The following RASA2 variants were observed in gnomAD, a reference collection of about 807,000 sequenced individuals.
The protein encoded by RASA2 is ras GTPase-activating protein 2.
In RASA2, 155 loss-of-function variants were observed where a neutral mutation model predicts 118.2. The ratio of observed to expected loss-of-function variants is 1.31; its 90% CI spans 1.15 to 1.50. RASA2 has a LOEUF of 1.50. Among genes scored for constraint, RASA2 ranks in the 40% most tolerant of loss-of-function variants. The pLI is 0.00. For synonymous variants in RASA2, 353 were observed against 349.1 expected (o/e 1.01, Z -0.12); for missense variants, 1,016 against 1,009.6 (o/e 1.01, Z -0.09).
At chr3:141,600,027 C>G (rs192402415) in intron 19 of RASA2, among the ~76,000 whole-genome samples, 3 of 152,092 alleles carry the variant, frequency 2.0e-5, no homozygotes, top group Non-Finnish European at 4.4e-5. Flanking sequence ...AAGTTACTTA[C>G]GTTTATATGA....
At chr3:141,544,042 ATT>A (rs1202148168) in intron 5 of RASA2, among the ~76,000 whole-genome samples, 1 of 151,396 alleles carries the variant, frequency 6.6e-6, no homozygotes, top group African/African-American at 2.4e-5. Context: ...TGCCCAGCTA[ATT>A]TTTACATTTT....
At chr3:141,526,409 C>T (rs529904769) in intron 3 of RASA2, among the ~76,000 whole-genome samples, 1 of 151,732 alleles carries the variant, frequency 6.6e-6, no homozygotes, top group Non-Finnish European at 1.5e-5. Flanking sequence ...CTCTCCCGTA[C>T]TTCCTTCTCA....
intron 1 of RASA2, among the ~76,000 whole-genome samples, chr3:141,497,627 T>C (rs1258171906): frequency 6.6e-6 from 1 of 151,210 alleles, no homozygotes; most frequent in Non-Finnish European, 1.5e-5. Flanking sequence ...AAGAATAGGC[T>C]GAGGAGGGTG....
chr3:141,608,515 A>G lies in RASA2; in HGVS notation c.2043A>G (p.Lys681=), dbSNP rs758014732. ...KNMFQVIHTE[K]PLYVQANNCV... The stretch of plus-strand genomic sequence containing the variant: ...TGTTCCAAGTAATACATACGGAGAA[A>G]CCACTCTATGTCCAGGCAAATAACT... Residue 681 remains lysine, a synonymous_variant, in exon 21 of 24, where the codon AAA becomes AAG. Transcript: ENST00000286364. The G allele has an allele frequency of 4.3e-5, 70 of 1,613,760 alleles. No homozygotes were observed. The highest frequency in any genetic ancestry group is 5.8e-5 in the Non-Finnish European group (68 of 1,179,848).
intron 1 of RASA2, among the ~76,000 whole-genome samples, chr3:141,501,810 G>A (rs1224323176): frequency 6.6e-6 from 1 of 152,016 alleles, no homozygotes; most frequent in Non-Finnish European, 1.5e-5. Flanking sequence ...GTCAATACCA[G>A]AGACTATATC....
chr3:141,490,259 C>T (rs34342794), intron 1 of RASA2, among the ~76,000 whole-genome samples: 41,514 of 147,840 alleles, frequency 0.28, 6,161 homozygotes, highest in Non-Finnish European at 0.32. Context: ...CTCCATTCTT[C>T]GGTCTGCACT....
chr3:141,543,780 T>A (rs2151104833), intron 5 of RASA2, among the ~76,000 whole-genome samples: 1 of 152,242 alleles, frequency 6.6e-6, no homozygotes, highest in Non-Finnish European at 1.5e-5. Context: ...CAAATTGTTT[T>A]TCCCTATAGG....
chr3:141,584,229 G>C (rs1445926852), intron 17 of RASA2, among the ~76,000 whole-genome samples: 1 of 151,182 alleles, frequency 6.6e-6, no homozygotes, highest in Non-Finnish European at 1.5e-5. Context: ...TACTCGGGAG[G>C]CTGAGGCAGG....
chr3:141,527,240 TA>T (rs1289653663), intron 3 of RASA2, among the ~76,000 whole-genome samples: 1 of 152,200 alleles, frequency 6.6e-6, no homozygotes, highest in Non-Finnish European at 1.5e-5. Context: ...TATATGTATG[TA>T]CATATGTACA....
At chr3:141,526,334 G>C (rs75946247) in intron 3 of RASA2, among the ~76,000 whole-genome samples, 1 of 151,750 alleles carries the variant, frequency 6.6e-6, no homozygotes, top group Non-Finnish European at 1.5e-5. Context: ...GAATCGTGAG[G>C]CTTTTTTTTT....
At chr3:141,552,955 T>C (rs2082595837) in intron 5 of RASA2, among the ~76,000 whole-genome samples, 1 of 152,202 alleles carries the variant, frequency 6.6e-6, no homozygotes, top group African/African-American at 2.4e-5. Context: ...TAATATTTAG[T>C]GAGAAAATTG....
intron 22 of RASA2, 69 bp from the exon 23 acceptor site, chr3:141,609,808 T>C: frequency 1.2e-5 from 16 of 1,378,914 alleles, no homozygotes; most frequent in Non-Finnish European, 1.5e-5. Context: ...AAAATTCTTA[T>C]TTGTACTACA....
At chr3:141,571,171 G>C (rs767458286) in intron 10 of RASA2, 103 bp downstream of exon 10, 3 of 1,292,436 alleles carry the variant, frequency 2.3e-6, no homozygotes, top group Non-Finnish European at 3.1e-6. Flanking sequence ...TATTAAAACA[G>C]TAAAAATTAT....
rs1406354072 is a variant in RASA2, at chr3:141,586,170, C to T, written c.1826+72C>T. On this transcript the variant is annotated intron_variant, in intron 18 of 23. Coordinates refer to ENST00000286364, the MANE Select transcript of RASA2 (RefSeq NM_006506.5). Reference sequence around the variant, plus strand: ...TTAAGTAAGTACAAAGAGCGTGGGTCTAAGAGTGAGGAGATCTGGCTTTGT... The same window carrying T: ...TTAAGTAAGTACAAAGAGCGTGGGTTTAAGAGTGAGGAGATCTGGCTTTGT... The T allele has an allele frequency of 4.3e-5, 59 of 1,372,966 alleles. 1 individual carries two copies. The highest frequency in any genetic ancestry group is 1.5e-5 in the Non-Finnish European group (15 of 996,640). 85.0% of individuals were successfully genotyped at this position (1,372,966 alleles called of 1,614,324 possible).
intron 12 of RASA2, 140 bp downstream of exon 12, chr3:141,572,863 T>C: frequency 1.4e-6 from 1 of 702,060 alleles, no homozygotes; most frequent in South Asian, 2.0e-5. Flanking sequence ...GCAAATTATT[T>C]ACTTCTCTGT....
intron 19 of RASA2, among the ~76,000 whole-genome samples, chr3:141,600,877 A>C (rs1194775037): frequency 6.6e-6 from 1 of 152,228 alleles, no homozygotes; most frequent in East Asian, 1.9e-4. Context: ...AAGGTAAAAC[A>C]AAGTTGAGAG....
intron 11 of RASA2, among the ~76,000 whole-genome samples, chr3:141,572,061 T>TATATACAC (rs1250945462): frequency 1.0e-5 from 1 of 98,268 alleles, no homozygotes; most frequent in Admixed American, 9.2e-5. Flanking sequence ...TATATATATA[T>TATATACAC]ACACACACAC....
intron 20 of RASA2, among the ~76,000 whole-genome samples, chr3:141,607,983 A>T (rs762027884): frequency 3.3e-5 from 5 of 152,106 alleles, no homozygotes; most frequent in African/African-American, 1.2e-4. Flanking sequence ...TTTATTGTTG[A>T]TGCCTCATAT....
intron 1 of RASA2, among the ~76,000 whole-genome samples, chr3:141,510,447 C>T (rs900261623): frequency 1.3e-5 from 2 of 152,184 alleles, no homozygotes; most frequent in Non-Finnish European, 2.9e-5. Flanking sequence ...TACCGTATGA[C>T]AGTCACTGTT....
Sources: allele counts gnomAD v4.1 joint callset (sites outside exome capture counted in the v4.1 genomes callset), GRCh38; gene constraint gnomAD v4.1.1; transcripts MANE v1.5; gene names NCBI Gene and HGNC (gene_info 2026-07-23, HGNC 2026-07-21).